SWT1: variants seen among roughly 807,000 people sequenced by gnomAD.
The protein encoded by SWT1 is SWT1 RNA endoribonuclease homolog, also known as transcriptional protein SWT1.
A neutral mutation model predicts 107.3 loss-of-function variants in SWT1; 33 were observed. The observed-to-expected ratio is 0.31, with a 90% CI of 0.23 to 0.41. The LOEUF (loss-of-function observed/expected upper bound fraction) is 0.41, where lower values mean the gene tolerates loss of function less well. SWT1 is among the 10% of genes least tolerant of loss of function. The pLI, the probability that SWT1 is intolerant of heterozygous loss-of-function variation, is 1.00. For synonymous variants in SWT1, 345 were observed against 348.3 expected, an observed-to-expected ratio of 0.99 and a Z score of 0.11; for missense variants, 898 against 1,028.9, an observed-to-expected ratio of 0.87 and a Z score of 1.74.
intron 4 of SWT1, among the ~76,000 whole-genome samples, chr1:185,169,057 A>G (rs184489187): frequency 6.6e-6 from 1 of 152,320 alleles, no homozygotes; most frequent in Non-Finnish European, 1.5e-5. Flanking sequence ...AAATATTACA[A>G]ATAAAAGCTC....
intron 16 of SWT1, among the ~76,000 whole-genome samples, chr1:185,236,314 A>C (rs556114337): frequency 1.3e-5 from 2 of 152,352 alleles, no homozygotes; most frequent in African/African-American, 4.8e-5. Context: ...CCTGACTTCA[A>C]ACCATACTAG....
chr1:185,286,426 A>G (rs1442920655), intron 18 of SWT1, among the ~76,000 whole-genome samples: 6 of 152,068 alleles, frequency 3.9e-5, no homozygotes, highest in Non-Finnish European at 8.8e-5. Flanking sequence ...GGGTTTCACC[A>G]TGTTGGCCAG....
At chr1:185,269,621 A>G (rs1443372963) in intron 16 of SWT1, among the ~76,000 whole-genome samples, 1 of 152,204 alleles carries the variant, frequency 6.6e-6, no homozygotes, top group Non-Finnish European at 1.5e-5. Flanking sequence ...ATCAAGTCTG[A>G]CAGAATCAAG....
At chr1:185,202,522 A>C (rs1407037039) in intron 10 of SWT1, 132 bp from the exon 11 acceptor site, 1 of 605,674 alleles carries the variant, frequency 1.7e-6, no homozygotes, top group Admixed American at 3.8e-5. Flanking sequence ...TTTTTAAAAA[A>C]GTTGTTATTC....
At chr1:185,192,567 C>G (rs962694412) in intron 10 of SWT1, among the ~76,000 whole-genome samples, 3 of 151,828 alleles carry the variant, frequency 2.0e-5, no homozygotes, top group Admixed American at 2.0e-4. Context: ...ATGCACAAAT[C>G]TAAACTATAC....
intron 15 of SWT1, among the ~76,000 whole-genome samples, chr1:185,226,366 C>T (rs928136156): frequency 2.6e-5 from 4 of 152,138 alleles, no homozygotes; most frequent in Non-Finnish European, 5.9e-5. Context: ...TCGACATAAT[C>T]GCTCATGGGC....
chr1:185,182,689 A>G (rs926624821), intron 7 of SWT1, among the ~76,000 whole-genome samples: 11 of 147,128 alleles, frequency 7.5e-5, no homozygotes, highest in Admixed American at 2.1e-4. Context: ...AAAAAAAAAA[A>G]AAAGAAAGAA....
chr1:185,176,737 C>T (rs765798830), intron 5 of SWT1: 4 of 953,934 alleles, frequency 4.2e-6, no homozygotes, highest in Non-Finnish European at 5.0e-6. Flanking sequence ...GTAATCCCAG[C>T]ACTTTGGGAG....
At chr1:185,186,855 A>G (rs775530598) in intron 9 of SWT1, among the ~76,000 whole-genome samples, 3 of 145,812 alleles carry the variant, frequency 2.1e-5, no homozygotes, top group South Asian at 4.4e-4. Context: ...CCCGGGTTCA[A>G]GTGATTCTCC....
chr1:185,200,013 T>C (rs542142938), intron 10 of SWT1, among the ~76,000 whole-genome samples: 2 of 152,148 alleles, frequency 1.3e-5, no homozygotes, highest in Non-Finnish European at 1.5e-5. Flanking sequence ...GTTTGTGATA[T>C]CCTTTCTTCC....
chr1:185,203,998 G>T lies in SWT1; in HGVS notation c.1670-702G>T, dbSNP rs980064460. 3.9e-5 allele frequency among the ~76,000 whole-genome samples: 6 copies of T among 152,088 alleles called. No individual in the cohort carries two copies. The East Asian group carries it at 1.2e-3, about 29-fold the overall frequency. Reference sequence around the variant, plus strand: ...TAAGCCACTTAATATTTTTAATTTTGCCATAAGAAAATTACAGTTGTTTTC... The same window carrying T: ...TAAGCCACTTAATATTTTTAATTTTTCCATAAGAAAATTACAGTTGTTTTC... On this transcript the variant is annotated intron_variant, in intron 11 of 18. Coordinates refer to ENST00000367500, the MANE Select transcript of SWT1 (RefSeq NM_017673.7).
chr1:185,285,955 CTTTG>C (rs1337295542), intron 18 of SWT1, among the ~76,000 whole-genome samples: 1 of 152,162 alleles, frequency 6.6e-6, no homozygotes, highest in African/African-American at 2.4e-5. Flanking sequence ...GTAATAGTTG[CTTTG>C]TAGTGAGTTT....
Position 185,271,324 on chromosome 1 carries a change from A to G in SWT1, c.2443A>G (p.Ile815Val). The G allele has an allele frequency of 6.7e-7, 1 of 1,496,362 alleles. No individual in the cohort carries two copies. The highest frequency in any genetic ancestry group is 9.3e-7 in the Non-Finnish European group (1 of 1,074,932). The allele number at this position is 1,496,362 out of a possible 1,614,324, so 92.7% of individuals were successfully genotyped here. A position where few individuals can be genotyped will look rare whatever the true frequency, so the allele number is the denominator to read the frequency against. ...CTTTGTTTTTATTTTATTTTTTAGG[A>G]TTTTGGCCCCAAACAGTAATTATCA... is the stretch of plus-strand genomic sequence containing the variant. ...VRDILEGIQR[I>V]LAPNSNYQDV... Residue 815 changes from isoleucine (I) to valine (V), a missense_variant and splice_region_variant, in exon 17 of 19, where the codon ATT (isoleucine) becomes GTT (valine). Coordinates refer to ENST00000367500, the MANE Select transcript of SWT1 (RefSeq NM_017673.7).
chr1:185,221,807 A>G, intron 14 of SWT1, 42 bp from the exon 15 acceptor site: 1 of 1,395,296 alleles, frequency 7.2e-7, no homozygotes, highest in East Asian at 2.5e-5. Context: ...TCCTCTGCAA[A>G]TGAAGAACTA....
chr1:185,255,465 T>G (rs1177793211), intron 16 of SWT1, among the ~76,000 whole-genome samples: 7 of 134,382 alleles, frequency 5.2e-5, no homozygotes, highest in Admixed American at 1.5e-4. Flanking sequence ...TTGGTGCTCC[T>G]GTATTGGGTG....
At chr1:185,264,594 G>A (rs1322274604) in intron 16 of SWT1, 4 of 320,088 alleles carry the variant, frequency 1.2e-5, no homozygotes, top group Non-Finnish European at 1.8e-5. Context: ...AAGTACTATT[G>A]TTGTCCCTGT....
At position 185,214,582 on chromosome 1, in the gene SWT1, C is replaced by T. The variant is rs1659071116; in HGVS notation, c.2048C>T (p.Thr683Ile). 6.2e-7 allele frequency: 1 copy of T among 1,612,210 alleles called. No homozygotes were observed. ...DSRSLLHAFS[T>I]RSNYDGILPQ... is the part of the protein sequence containing the mutation. ...AGAAGTTTGTTACATGCTTTCAGTA[C>T]AAGGTCAAATTATGATGGTATTCTT... is the stretch of plus-strand genomic sequence containing the variant. Residue 683 changes from threonine to isoleucine, a missense_variant, in exon 14 of 19, where the codon ACA (threonine) becomes ATA (isoleucine). Thr to Ile is a moderately conservative substitution (Grantham distance 89). Around this residue, in one of 6 missense-constraint regions of SWT1, gnomAD observed 382 missense variants for 460.0 expected, o/e 0.83. Transcript: ENST00000367500.
intron 15 of SWT1, 60 bp downstream of exon 15, chr1:185,222,096 A>G (rs768746405): frequency 1.6e-5 from 18 of 1,132,944 alleles, no homozygotes; most frequent in Non-Finnish European, 2.2e-5. Flanking sequence ...ATAATTGTAC[A>G]TATTTACAGG....
At chr1:185,258,478 A>G (rs1431740102) in intron 16 of SWT1, among the ~76,000 whole-genome samples, 1 of 152,086 alleles carries the variant, frequency 6.6e-6, no homozygotes, top group Non-Finnish European at 1.5e-5. Flanking sequence ...TCAGCTTTCT[A>G]TTTAATGAAG....
Sources: allele counts gnomAD v4.1 joint callset (sites outside exome capture counted in the v4.1 genomes callset), GRCh38; gene constraint gnomAD v4.1.1; regional missense constraint gnomAD v4.1.1; transcripts MANE v1.5; gene names NCBI Gene and HGNC (gene_info 2026-07-23, HGNC 2026-07-21).